Variants in ACTR3C observed in about 807,000 individuals in gnomAD.
The protein encoded by ACTR3C is actin related protein 3C, also known as actin-related protein 3C.
ACTR3C carries 18 observed loss-of-function variants against 26.3 expected under a neutral mutation model. The observed-to-expected ratio is 0.68, with a 90% CI of 0.47 to 1.01. ACTR3C has a LOEUF of 1.01. ACTR3C is among the 50% of genes least tolerant of loss of function. The pLI is 0.00. For missense variants in ACTR3C, 184 were observed against 250.7 expected (o/e 0.73, Z 1.80); for synonymous variants, 55 against 94.5 (o/e 0.58, Z 2.42).
chr7:150,249,675 G>C (rs1250029995), intron 6 of ACTR3C, among the ~76,000 whole-genome samples: 6 of 152,124 alleles, frequency 3.9e-5, no homozygotes, highest in African/African-American at 1.2e-4. Flanking sequence ...GGCTCGTCTC[G>C]AACTCCTGAC....
intron 1 of ACTR3C, among the ~76,000 whole-genome samples, chr7:150,308,452 C>T (rs1034653809): frequency 3.3e-5 from 5 of 152,068 alleles, no homozygotes; most frequent in Admixed American, 1.3e-4. Flanking sequence ...TAAATTTTGT[C>T]GAAAAATGGG....
chr7:150,298,822 T>C (rs1310053955), intron 1 of ACTR3C, among the ~76,000 whole-genome samples: 2 of 149,988 alleles, frequency 1.3e-5, no homozygotes, highest in Non-Finnish European at 3.0e-5. Context: ...ACAACCTAAA[T>C]ACCCATCACT....
the ACTR3C span, among the ~76,000 whole-genome samples, chr7:149,932,575 G>T: frequency 9.0e-3 from 1,366 of 152,216 alleles, 21 homozygotes; most frequent in African/African-American, 0.032. Context: ...TAAACAGGAT[G>T]GTGGAGATAA....
At chr7:149,930,029 T>A in the ACTR3C span, among the ~76,000 whole-genome samples, 1 of 152,136 alleles carries the variant, frequency 6.6e-6, no homozygotes, top group Non-Finnish European at 1.5e-5. Flanking sequence ...CCTGTATCTA[T>A]CACAGAGAAA....
chr7:149,924,921 G>T, the ACTR3C span, among the ~76,000 whole-genome samples: 1 of 152,138 alleles, frequency 6.6e-6, no homozygotes, highest in Non-Finnish European at 1.5e-5. Context: ...GAGCCACTGC[G>T]CCGGGCCCAG....
the ACTR3C span, among the ~76,000 whole-genome samples, chr7:150,139,266 G>A: frequency 1.3e-5 from 2 of 152,376 alleles, no homozygotes; most frequent in South Asian, 2.1e-4. Flanking sequence ...TCTTTGAAAA[G>A]AGCGTGCTCT....
the ACTR3C span, among the ~76,000 whole-genome samples, chr7:149,921,770 G>A: frequency 4.1e-3 from 622 of 152,134 alleles, 2 homozygotes; most frequent in South Asian, 0.033. Flanking sequence ...CTAGCTACTC[G>A]GGAGGCTGAG....
chr7:150,011,387 C>G, the ACTR3C span, among the ~76,000 whole-genome samples: 4 of 151,996 alleles, frequency 2.6e-5, no homozygotes, highest in Non-Finnish European at 5.9e-5. Context: ...GAGTTCAAGA[C>G]GAGCCTGGCC....
chr7:149,986,709 G>A, the ACTR3C span, among the ~76,000 whole-genome samples: 86 of 152,078 alleles, frequency 5.7e-4, no homozygotes, highest in African/African-American at 1.9e-3. Context: ...CCATTTTCTC[G>A]CACAAAACTC....
the ACTR3C span, among the ~76,000 whole-genome samples, chr7:150,077,435 T>C: frequency 6.6e-6 from 1 of 152,108 alleles, no homozygotes; most frequent in Non-Finnish European, 1.5e-5. Context: ...AGGTACAAAA[T>C]ATGACAAGGG....
chr7:150,089,827 T>C, the ACTR3C span, among the ~76,000 whole-genome samples: 1 of 152,220 alleles, frequency 6.6e-6, no homozygotes, highest in Admixed American at 6.5e-5. Flanking sequence ...CCAAATGGAA[T>C]TGGGCACAAG....
chr7:150,136,093 G>T, the ACTR3C span, among the ~76,000 whole-genome samples: 8 of 152,236 alleles, frequency 5.3e-5, 1 homozygote, highest in East Asian at 1.5e-3. Context: ...CCTCTGAGCA[G>T]CTGTCATGCC....
At chr7:150,111,931 C>T in the ACTR3C span, among the ~76,000 whole-genome samples, 10 of 152,074 alleles carry the variant, frequency 6.6e-5, no homozygotes, top group Non-Finnish European at 1.5e-4. Context: ...TCATCGCTCT[C>T]CCAGCTTTCG....
the ACTR3C span, among the ~76,000 whole-genome samples, chr7:150,203,125 G>A: frequency 5.3e-5 from 8 of 152,158 alleles, no homozygotes; most frequent in South Asian, 8.3e-4. Flanking sequence ...GCATCATTTC[G>A]GAGCTTTCTA....
downstream of ACTR3C, among the ~76,000 whole-genome samples, chr7:150,241,376 T>C (rs1832167775): frequency 6.6e-6 from 1 of 152,160 alleles, no homozygotes; most frequent in South Asian, 2.1e-4. Flanking sequence ...CGTCATCAAT[T>C]GATTTTCAAC....
the ACTR3C span, among the ~76,000 whole-genome samples, chr7:149,953,271 A>G: frequency 6.7e-6 from 1 of 149,558 alleles, no homozygotes; most frequent in Non-Finnish European, 1.5e-5. Context: ...GTTGGACTAC[A>G]GATGCCTAGG....
At chr7:150,071,507 C>T in the ACTR3C span, among the ~76,000 whole-genome samples, 13 of 149,198 alleles carry the variant, frequency 8.7e-5, no homozygotes, top group African/African-American at 2.7e-4. Flanking sequence ...TCATGTCTCT[C>T]ATTTAAATCG....
the ACTR3C span, among the ~76,000 whole-genome samples, chr7:150,202,160 C>A: frequency 6.6e-6 from 1 of 152,172 alleles, no homozygotes; most frequent in African/African-American, 2.4e-5. Flanking sequence ...GCCCCACAAC[C>A]CACAACCCCG....
At chr7:150,022,192 T>G in the ACTR3C span, among the ~76,000 whole-genome samples, 1 of 152,004 alleles carries the variant, frequency 6.6e-6, no homozygotes, top group African/African-American at 2.4e-5. Flanking sequence ...TGCATTGTGG[T>G]TTTAATTTGC....
Sources: allele counts gnomAD v4.1 joint callset (sites outside exome capture counted in the v4.1 genomes callset), GRCh38; gene constraint gnomAD v4.1.1; transcripts MANE v1.5; gene names NCBI Gene and HGNC (gene_info 2026-07-23, HGNC 2026-07-21).